The following TBL1X variants were observed in gnomAD, a reference collection of about 807,000 sequenced individuals.
TBL1X encodes transducin beta like 1 X-linked, also known as F-box-like/WD repeat-containing protein TBL1X.
TBL1X carries 10 observed loss-of-function variants against 50.7 expected under a neutral mutation model. The observed-to-expected ratio is 0.20, with a 90% CI of 0.12 to 0.33. The LOEUF is 0.33. Ranked by LOEUF, TBL1X falls within the 10% of genes least tolerant of loss-of-function variation. The pLI is 1.00. For missense variants in TBL1X, 340 were observed against 504.4 expected, an observed-to-expected ratio of 0.67 and a Z score of 3.12; for synonymous variants, 190 against 214.7, an observed-to-expected ratio of 0.88 and a Z score of 1.01.
intron 1 of TBL1X, among the ~76,000 whole-genome samples, chrX:9,492,934 G>A (rs2081954881): frequency 9.5e-6 from 1 of 105,082 alleles, no homozygotes; most frequent in Non-Finnish European, 1.9e-5. Flanking sequence ...AACCATTTGG[G>A]AATGTGCTGG....
chrX:9,715,252 C>T (rs1006604069), intron 17 of TBL1X, among the ~76,000 whole-genome samples: 1 of 112,273 alleles, frequency 8.9e-6, no homozygotes, highest in African/African-American at 3.2e-5. Context: ...GGTGATTCTG[C>T]ACCTCTAAGG....
At chrX:9,602,584 G>A (rs1252262569) in intron 2 of TBL1X, among the ~76,000 whole-genome samples, 1 of 111,582 alleles carries the variant, frequency 9.0e-6, no homozygotes, top group Non-Finnish European at 1.9e-5. Context: ...GGGCTCATCT[G>A]CCTGGAGTAG....
intron 2 of TBL1X, among the ~76,000 whole-genome samples, chrX:9,550,801 A>G (rs1437595646): frequency 8.9e-6 from 1 of 112,289 alleles, no homozygotes; most frequent in East Asian, 2.8e-4. Context: ...GGTAGAATAC[A>G]GCAGTGATTC....
chrX:9,594,471 G>A (rs2082517909), intron 2 of TBL1X, among the ~76,000 whole-genome samples: 1 of 112,127 alleles, frequency 8.9e-6, no homozygotes, highest in Non-Finnish European at 1.9e-5. Flanking sequence ...CCATGAAAAT[G>A]TTTCATGTTG....
chrX:9,604,563 C>G (rs1244259928), intron 2 of TBL1X, among the ~76,000 whole-genome samples: 4 of 111,235 alleles, frequency 3.6e-5, no homozygotes, highest in African/African-American at 1.3e-4. Context: ...GGAGACATCT[C>G]TGATGTGTAG....
intron 1 of TBL1X, among the ~76,000 whole-genome samples, chrX:9,493,352 A>T (rs1284020011): frequency 8.9e-6 from 1 of 111,922 alleles, no homozygotes; most frequent in Non-Finnish European, 1.9e-5. Flanking sequence ...TACAGCATGT[A>T]TAAAAGGAAA....
upstream of TBL1X, among the ~76,000 whole-genome samples, chrX:9,464,457 C>T (rs977474027): frequency 1.8e-5 from 2 of 111,161 alleles, no homozygotes; most frequent in Non-Finnish European, 3.8e-5. Flanking sequence ...ACTTTTTGAG[C>T]TGGGGTAAAG....
chrX:9,660,911 G>A (rs2082894483), intron 5 of TBL1X, among the ~76,000 whole-genome samples: 2 of 112,467 alleles, frequency 1.8e-5, no homozygotes, highest in South Asian at 7.3e-4. Context: ...TGGTATTTGG[G>A]GGTGGGGCCT....
At chrX:9,622,092 T>C in intron 2 of TBL1X, among the ~76,000 whole-genome samples, 1 of 98,154 alleles carries the variant, frequency 1.0e-5, no homozygotes, top group South Asian at 4.1e-4. Flanking sequence ...TATTTCTGAT[T>C]TTTTTTTTTT....
At chrX:9,699,589 A>C (rs1294268593) in intron 12 of TBL1X, among the ~76,000 whole-genome samples, 1 of 111,947 alleles carries the variant, frequency 8.9e-6, no homozygotes, top group Non-Finnish European at 1.9e-5. Flanking sequence ...ACAACCATCC[A>C]AGGCAGAACA....
chrX:9,614,399 C>T (rs73632610), intron 2 of TBL1X, among the ~76,000 whole-genome samples: 3,897 of 110,914 alleles, frequency 0.035, 62 homozygotes, highest in Middle Eastern at 0.083. Context: ...AAGACCCCAT[C>T]TCTACAAAAA....
intron 1 of TBL1X, among the ~76,000 whole-genome samples, chrX:9,498,070 C>T (rs901762730): frequency 9.1e-6 from 1 of 109,979 alleles, no homozygotes; most frequent in South Asian, 3.9e-4. Context: ...TCCCAGCTAA[C>T]GCGCTTTTAA....
intron 15 of TBL1X, among the ~76,000 whole-genome samples, chrX:9,711,378 A>G (rs1320678769): frequency 9.0e-6 from 1 of 110,746 alleles, no homozygotes; most frequent in African/African-American, 3.3e-5. Context: ...AAATGTAGAT[A>G]TCAAATTGTT....
rs1555909090 is a variant in TBL1X, at chrX:9,688,151, G to GGCGGCTGCGGCCACGGCA, written c.495_512dup (p.Ala167_Ala172dup). On this transcript the variant is annotated inframe_insertion, in exon 7 of 18. Coordinates refer to ENST00000645353, the MANE Select transcript of TBL1X (RefSeq NM_005647.4). ...AGCAGCAAGCCAGTGCGGCGGCGGCGGCGGCTGCGGCCACGGCAGCAGCGA... is the reference window on the plus strand; with the variant it reads ...AGCAGCAAGCCAGTGCGGCGGCGGCGGCGGCTGCGGCCACGGCAGCGGCTGCGGCCACGGCAGCAGCGA... The GGCGGCTGCGGCCACGGCA allele has an allele frequency of 8.4e-7, 1 of 1,196,949 alleles. No individual in the cohort carries two copies. The highest frequency in any genetic ancestry group is 1.8e-5 in the African/African-American group (1 of 56,839).
intron 1 of TBL1X, among the ~76,000 whole-genome samples, chrX:9,497,859 C>T (rs1204885055): frequency 1.0e-5 from 1 of 96,878 alleles, no homozygotes; most frequent in Non-Finnish European, 2.1e-5. Context: ...CTCTCTGTCT[C>T]CCTCTCTCTC....
chrX:9,551,760 G>C (rs1342688016), intron 2 of TBL1X, among the ~76,000 whole-genome samples: 1 of 111,798 alleles, frequency 8.9e-6, no homozygotes, highest in East Asian at 2.8e-4. Context: ...TTTAAGGAAG[G>C]AGAATGGAGT....
intron 2 of TBL1X, among the ~76,000 whole-genome samples, chrX:9,589,382 G>A (rs969541829): frequency 2.8e-5 from 3 of 108,406 alleles, no homozygotes; most frequent in African/African-American, 1.0e-4. Context: ...TCTTGGTGGC[G>A]CCAGGCTCCA....
At chrX:9,701,589 AAAAAAAAG>A (rs1300091561) in intron 12 of TBL1X, among the ~76,000 whole-genome samples, 4 of 108,389 alleles carry the variant, frequency 3.7e-5, no homozygotes, top group South Asian at 4.0e-4. Context: ...AAAAAAAAAA[AAAAAAAAG>A]AAGAAGAAAA....
chrX:9,673,226 A>G (rs778228492), intron 5 of TBL1X, among the ~76,000 whole-genome samples: 5 of 111,906 alleles, frequency 4.5e-5, no homozygotes, highest in Non-Finnish European at 7.5e-5. Flanking sequence ...GTGTTCAAAC[A>G]TTTTTTTCCA....
Sources: allele counts gnomAD v4.1 joint callset (sites outside exome capture counted in the v4.1 genomes callset), GRCh38; gene constraint gnomAD v4.1.1; transcripts MANE v1.5; gene names NCBI Gene and HGNC (gene_info 2026-07-23, HGNC 2026-07-21).